The following GABRB1 variants were observed in gnomAD, a reference collection of about 807,000 sequenced individuals.
GABRB1 encodes gamma-aminobutyric acid receptor subunit beta-1.
Under a neutral mutation model 51.6 loss-of-function variants are expected in GABRB1, and 17 were observed. The ratio of observed to expected loss-of-function variants is 0.33; its 90% CI spans 0.23 to 0.49. GABRB1 has a LOEUF of 0.49. GABRB1 is among the 20% of genes least tolerant of loss of function. The pLI is 0.99. For missense variants in GABRB1, 410 were observed against 600.6 expected (o/e 0.68, Z 3.32); for synonymous variants, 247 against 218.9 (o/e 1.13, Z -1.14).
In GABRB1 at chr4:47,254,361, G is replaced by GGTTTTTTTTTTTTTTTTTTTTTTTTTTTT. The variant is rs1305298443; in HGVS notation, c.462-65766_462-65765insGTTTTTTTTTTTTTTTTTTTTTTTTTTTT. On this transcript the variant is annotated intron_variant, in intron 4 of 8. Transcript: ENST00000295454. ...ATGGTGGATGATGTTTCTTTTCTTT[G>GGTTTTTTTTTTTTTTTTTTTTTTTTTTTT]TTTTTTTTTTTTTTTTTTTTTTTTT... Among the ~76,000 whole-genome samples, 5 of 80,966 alleles carry GGTTTTTTTTTTTTTTTTTTTTTTTTTTTT rather than the reference G, an allele frequency of 6.2e-5. 2 individuals carry two copies. Among genetic ancestry groups the GGTTTTTTTTTTTTTTTTTTTTTTTTTTTT allele is most frequent in the Non-Finnish European group, 4.5e-5 (2 of 44,332 alleles). 53.1% of individuals were successfully genotyped at this position (80,966 alleles called of 152,430 possible).
intron 3 of GABRB1, among the ~76,000 whole-genome samples, chr4:47,138,941 C>T (rs548859315): frequency 6.6e-6 from 1 of 152,104 alleles, no homozygotes; most frequent in Admixed American, 6.6e-5. Context: ...CTTATTTAAG[C>T]TATTTGCTTA....
chr4:47,177,339 G>A (rs1001901781), intron 4 of GABRB1, among the ~76,000 whole-genome samples: 1 of 152,052 alleles, frequency 6.6e-6, no homozygotes, highest in South Asian at 2.1e-4. Context: ...GTAAATGTGG[G>A]CAGAACTAGA....
Position 47,032,365 on chromosome 4 carries a change from G to A in GABRB1, c.173-52G>A, listed in dbSNP as rs545322872. 1.3e-5 allele frequency: 19 copies of A among 1,493,230 alleles called. No homozygotes were observed. The East Asian group carries it at 4.3e-4, about 34-fold the overall frequency. The allele number at this position is 1,493,230 out of a possible 1,614,324, so 92.5% of individuals were successfully genotyped here. A position where few individuals can be genotyped will look rare whatever the true frequency, so the allele number is the denominator to read the frequency against. Reference sequence around the variant, plus strand: ...CTGGGAAGCCCCCAGACCCTCCCCAGCCTGCTGTCACTGAGAGAATCTGTT... The same window carrying A: ...CTGGGAAGCCCCCAGACCCTCCCCAACCTGCTGTCACTGAGAGAATCTGTT... On this transcript the variant is annotated intron_variant, in intron 2 of 8. Coordinates refer to ENST00000295454, the MANE Select transcript of GABRB1 (RefSeq NM_000812.4).
intron 3 of GABRB1, among the ~76,000 whole-genome samples, chr4:47,042,198 G>A (rs191321583): frequency 1.6e-4 from 24 of 151,520 alleles, no homozygotes; most frequent in Admixed American, 5.9e-4. Flanking sequence ...AGTAAATATA[G>A]CATTTACATT....
intron 3 of GABRB1, among the ~76,000 whole-genome samples, chr4:47,110,021 G>A (rs1715150533): frequency 6.6e-6 from 1 of 152,060 alleles, no homozygotes; most frequent in Non-Finnish European, 1.5e-5. Flanking sequence ...CATTGAGTTT[G>A]GGTCAAGAAG....
intron 1 of GABRB1, among the ~76,000 whole-genome samples, chr4:47,016,684 G>A (rs1724752740): frequency 6.6e-6 from 1 of 152,080 alleles, no homozygotes; most frequent in East Asian, 1.9e-4. Flanking sequence ...CATCTCCTGG[G>A]TTCAAGCGAT....
chr4:47,086,379 T>C (rs1728062147), intron 3 of GABRB1, among the ~76,000 whole-genome samples: 1 of 152,302 alleles, frequency 6.6e-6, no homozygotes, highest in East Asian at 1.9e-4. Flanking sequence ...ATTCTTAAGA[T>C]ACCTTATCAA....
intron 4 of GABRB1, among the ~76,000 whole-genome samples, chr4:47,296,349 G>A (rs1656033775): frequency 6.6e-6 from 1 of 152,168 alleles, no homozygotes; most frequent in South Asian, 2.1e-4. Context: ...TCAGTGTGCT[G>A]TATTCAGGAA....
At chr4:47,286,132 A>G (rs1723501712) in intron 4 of GABRB1, among the ~76,000 whole-genome samples, 1 of 152,192 alleles carries the variant, frequency 6.6e-6, no homozygotes, top group Non-Finnish European at 1.5e-5. Context: ...ATATACCAGT[A>G]GGAGCTGAGT....
chr4:47,137,653 T>A (rs1293600854), intron 3 of GABRB1, among the ~76,000 whole-genome samples: 1 of 152,126 alleles, frequency 6.6e-6, no homozygotes, highest in Non-Finnish European at 1.5e-5. Flanking sequence ...TATATTCCAA[T>A]TCCAAAAACA....
At position 47,357,272 on chromosome 4, in the gene GABRB1, C is replaced by T. The variant is rs539626127; in HGVS notation, c.544+37063C>T. ...GTAAGATCTGGGGAGTTGTTATAGG[C>T]AGCAGTGGTTAAAAGTGACACAGAG... On this transcript the variant is annotated intron_variant, in intron 5 of 8. Transcript: ENST00000295454. Among the ~76,000 whole-genome samples the T allele has an allele frequency of 2.6e-5, 4 of 152,228 alleles. No homozygotes were observed. The South Asian group carries it at 8.3e-4, about 32-fold the overall frequency.
At chr4:47,096,581 T>A (rs1714448614) in intron 3 of GABRB1, among the ~76,000 whole-genome samples, 1 of 152,172 alleles carries the variant, frequency 6.6e-6, no homozygotes, top group African/African-American at 2.4e-5. Flanking sequence ...CAGGTGTGAT[T>A]AATTTAAGGA....
intron 4 of GABRB1, among the ~76,000 whole-genome samples, chr4:47,222,904 C>T (rs923712485): frequency 4.6e-5 from 7 of 152,062 alleles, no homozygotes; most frequent in African/African-American, 1.7e-4. Context: ...CTAAAAAATT[C>T]ATTTCTCTCT....
At chr4:47,104,721 T>C (rs1714880367) in intron 3 of GABRB1, among the ~76,000 whole-genome samples, 1 of 152,060 alleles carries the variant, frequency 6.6e-6, no homozygotes, top group Admixed American at 6.6e-5. Flanking sequence ...TACTAATTGT[T>C]TCAGAAAAGA....
At chr4:47,230,340 C>A (rs1721095463) in intron 4 of GABRB1, among the ~76,000 whole-genome samples, 1 of 152,016 alleles carries the variant, frequency 6.6e-6, no homozygotes, top group Non-Finnish European at 1.5e-5. Flanking sequence ...TAAACCAGAG[C>A]TGAGATTACA....
chr4:47,058,176 TA>T (rs1726699730), intron 3 of GABRB1, among the ~76,000 whole-genome samples: 1 of 152,202 alleles, frequency 6.6e-6, no homozygotes, highest in South Asian at 2.1e-4. Flanking sequence ...TGATAATACC[TA>T]GAGTTTCTAT....
At chr4:47,128,611 C>A (rs1716272305) in intron 3 of GABRB1, among the ~76,000 whole-genome samples, 1 of 151,950 alleles carries the variant, frequency 6.6e-6, no homozygotes, top group Non-Finnish European at 1.5e-5. Flanking sequence ...GTATAGAAAT[C>A]ATATCATGTA....
chr4:47,029,211 C>T (rs562608686), upstream of GABRB1, among the ~76,000 whole-genome samples: 2 of 151,874 alleles, frequency 1.3e-5, no homozygotes, highest in Admixed American at 1.3e-4. Flanking sequence ...CAATTCTGGG[C>T]CAAAGAGCAT....
At chr4:47,012,573 G>C (rs1288785099) in intron 1 of GABRB1, among the ~76,000 whole-genome samples, 1 of 152,100 alleles carries the variant, frequency 6.6e-6, no homozygotes, top group Non-Finnish European at 1.5e-5. Flanking sequence ...CATTGTCATG[G>C]TAATCAACCC....
Sources: allele counts gnomAD v4.1 joint callset (sites outside exome capture counted in the v4.1 genomes callset), GRCh38; gene constraint gnomAD v4.1.1; transcripts MANE v1.5; gene names NCBI Gene and HGNC (gene_info 2026-07-23, HGNC 2026-07-21).